The following RNF44 variants were observed in gnomAD, a reference collection of about 807,000 sequenced individuals.
RNF44 encodes the protein ring finger protein 44.
In RNF44, 25 loss-of-function variants were observed where a neutral mutation model predicts 53.6. That is an observed-to-expected ratio of 0.47 (90% CI 0.34 to 0.65). The LOEUF is 0.65. Among genes scored for constraint, RNF44 ranks in the 30% least tolerant of loss-of-function variants. The pLI is 0.01. For synonymous variants in RNF44, 282 were observed against 252.2 expected (o/e 1.12, Z -1.12); for missense variants, 581 against 595.5 (o/e 0.98, Z 0.25).
In RNF44 at chr5:176,531,727, C is replaced by G; in HGVS notation, c.298-97G>C. 1 of 1,295,228 alleles carries G rather than the reference C, an allele frequency of 7.7e-7. No individual in the cohort carries two copies. The highest frequency in any genetic ancestry group is 1.1e-6 in the Non-Finnish European group (1 of 948,914). 80.2% of individuals were successfully genotyped at this position (1,295,228 alleles called of 1,614,324 possible). On this transcript the variant is annotated intron_variant, in intron 3 of 10. Coordinates refer to ENST00000274811, the MANE Select transcript of RNF44 (RefSeq NM_014901.5). This position sits in a 1 kb window ranked among gnomAD's most constrained non-coding sequence, Gnocchi z 4.2. Reference sequence around the variant, plus strand: ...ATCCTGCCACATCCAGCTGCCGGCTCCCTTCCCTTCTCCACGGCGGCCTAC... The same window carrying G: ...ATCCTGCCACATCCAGCTGCCGGCTGCCTTCCCTTCTCCACGGCGGCCTAC...
rs371772892 is a variant in RNF44 at position 176,532,248 on chromosome 5, A to G, written c.108-55T>C. 63 of 1,506,364 alleles carry G rather than the reference A, an allele frequency of 4.2e-5. No individual in the cohort carries two copies. The East Asian group carries it at 1.5e-3, about 35-fold the overall frequency. The allele number at this position is 1,506,364 out of a possible 1,614,324, so 93.3% of individuals were successfully genotyped here. ...ACTGAGGGGGGCCACTCGTGCACAG[A>G]GCAGGGAGAGAAGCCAGGGTGACTC... is the stretch of plus-strand genomic sequence containing the variant. On this transcript the variant is annotated intron_variant, in intron 2 of 10. Coordinates refer to ENST00000274811, the MANE Select transcript of RNF44 (RefSeq NM_014901.5).
In RNF44 at chr5:176,529,535, G is replaced by A. The variant is rs1460833580; in HGVS notation, c.1124C>T (p.Ser375Leu). The change falls in exon 9 of 11, where the codon TCG becomes TTG. Residue 375 changes from serine (S) to leucine (L), a missense_variant. Transcript: ENST00000274811. ...GCAGGGTACTCACAGCGTCTGCTCC[G>A]ACTGATGGCTGTCCGGGTTAAAGCG... Reference protein sequence around the residue: ...SYRFNPDSHQSEQTLCVVCFS... With the variant: ...SYRFNPDSHQLEQTLCVVCFS... The A allele has an allele frequency of 5.6e-6, 9 of 1,614,008 alleles. No homozygotes were observed. Among genetic ancestry groups the A allele is most frequent in the Non-Finnish European group, 6.8e-6 (8 of 1,180,028 alleles).
intron 9 of RNF44, 24 bp from the exon 10 acceptor site, chr5:176,529,411 C>T: frequency 6.2e-7 from 1 of 1,605,298 alleles, no homozygotes; most frequent in Non-Finnish European, 8.5e-7. Flanking sequence ...CGGAGCGTCA[C>T]CTCCACGCTG....
Position 176,528,566 on chromosome 5 carries a change from G to A in RNF44, c.*462C>T. ...ATTCAGCCCTGGGGCTCAGGAAATG[G>A]CTCGTGACACCGTCTGTCTACGCAC... is the stretch of plus-strand genomic sequence containing the variant. On this transcript the variant is annotated 3_prime_UTR_variant, in exon 11 of 11. Transcript: ENST00000274811. The A allele has an allele frequency of 6.0e-6, 1 of 166,210 alleles. No homozygotes were observed. Among genetic ancestry groups the A allele is most frequent in the Non-Finnish European group, 1.3e-5 (1 of 77,118 alleles). The allele number at this position is 166,210 out of a possible 1,614,324, so 10.3% of individuals were successfully genotyped here.
In RNF44 at chr5:176,529,805, T is replaced by C. The variant is rs1756390555; in HGVS notation, c.940A>G (p.Met314Val). 6.2e-7 allele frequency: 1 copy of C among 1,606,070 alleles called. No individual in the cohort carries two copies. The highest frequency in any genetic ancestry group is 1.3e-5 in the African/African-American group (1 of 74,888). ...GTGGGCCCCATTGCTGTTGGTGACA[T>C]TGGCAGCATCGAGCTAGAGAGAGAC... is the stretch of plus-strand genomic sequence containing the variant. The part of the protein sequence containing the change: ...FLPYFLSMLP[M>V]SPTAMGPTIS... Residue 314 changes from methionine to valine, a missense_variant, in exon 8 of 11, where the codon ATG (methionine) becomes GTG (valine). Physicochemically the swap from Met to Val is conservative, Grantham distance 21. Coordinates refer to ENST00000274811, the MANE Select transcript of RNF44 (RefSeq NM_014901.5).
chr5:176,529,156 C>G, intron 10 of RNF44, 66 bp from the exon 11 acceptor site: 10 of 1,593,084 alleles, frequency 6.3e-6, no homozygotes, highest in Non-Finnish European at 8.6e-6. Context: ...GTGCAGCCAC[C>G]TGGGGGGACT....
intron 1 of RNF44, among the ~76,000 whole-genome samples, chr5:176,534,950 C>G (rs1460248688): frequency 6.6e-6 from 1 of 152,242 alleles, no homozygotes; most frequent in Non-Finnish European, 1.5e-5. Context: ...TGAGTAGTGC[C>G]AGGCCCAAGG....
chr5:176,531,736 T>A lies in RNF44; in HGVS notation c.298-106A>T. 1 of 1,241,068 alleles carries A rather than the reference T, an allele frequency of 8.1e-7. No individual in the cohort carries two copies. Among genetic ancestry groups the A allele is most frequent in the Admixed American group, 2.5e-5 (1 of 40,346 alleles). 76.9% of individuals were successfully genotyped at this position (1,241,068 alleles called of 1,614,324 possible). A position where few individuals can be genotyped will look rare whatever the true frequency, so the allele number is the denominator to read the frequency against. ...CATCCAGCTGCCGGCTCCCTTCCCT[T>A]CTCCACGGCGGCCTACCTCAGTGCA... is the stretch of plus-strand genomic sequence containing the variant. On this transcript the variant is annotated intron_variant, in intron 3 of 10. Coordinates refer to ENST00000274811, the MANE Select transcript of RNF44 (RefSeq NM_014901.5). The surrounding 1 kb of genome is among the most constrained non-coding windows in gnomAD (Gnocchi z 4.2).
In RNF44 at chr5:176,532,021, C is replaced by T. The variant is rs1447393093; in HGVS notation, c.280G>A (p.Val94Ile). 1.2e-6 allele frequency: 2 copies of T among 1,611,192 alleles called. No individual in the cohort carries two copies. Among genetic ancestry groups the T allele is most frequent in the East Asian group, 2.2e-5 (1 of 44,840 alleles). Residue 94 changes from valine (V) to isoleucine (I), a missense_variant, in exon 3 of 11, where the codon GTT becomes ATT. By Grantham distance (29) the Val-to-Ile change is conservative. Transcript: ENST00000274811. ...CTGCCTACCTGCTCGTGGAGATCAA[C>T]CATGAACGGGCTCTGCTGGGTGGCT... ...HPATQQSPFM[V>I]DLHEQVHQGP...
rs1757251963 is a variant in RNF44, at chr5:176,536,976, C to T, written c.-81G>A. The stretch of plus-strand genomic sequence containing the variant: ...CGGCCACACGTTGACTCCTTTGTTC[C>T]CGATCTAGGACGGCCAAACTGGGCA... On this transcript the variant is annotated 5_prime_UTR_variant, in exon 1 of 11. Coordinates refer to ENST00000274811, the MANE Select transcript of RNF44 (RefSeq NM_014901.5). The T allele has an allele frequency of 6.8e-6, 1 of 146,202 alleles. No homozygotes were observed. Among genetic ancestry groups the T allele is most frequent in the Admixed American group, 7.2e-5 (1 of 13,970 alleles). The allele number at this position is 146,202 out of a possible 1,614,324, so 9.1% of individuals were successfully genotyped here.
intron 1 of RNF44, among the ~76,000 whole-genome samples, chr5:176,534,338 T>C (rs951692548): frequency 6.6e-6 from 1 of 152,170 alleles, no homozygotes; most frequent in African/African-American, 2.4e-5. Context: ...GAGCGAGAGC[T>C]TTCCCTCCAG....
rs766916588 is a variant in RNF44 at position 176,530,130 on chromosome 5, G to T, written c.878C>A (p.Pro293Gln). ...GTAGTAGGGTGGTGGGGGTGGGGGTGGGGGCGGCGGGGGCAGTGGCTGCTG... is the reference window on the plus strand; with the variant it reads ...GTAGTAGGGTGGTGGGGGTGGGGGTTGGGGCGGCGGGGGCAGTGGCTGCTG... ...RLQQPLPPPP[P>Q]PPPPPPYYPS... is the part of the protein sequence containing the mutation. The change falls in exon 7 of 11, where the codon CCA becomes CAA. Residue 293 changes from proline (P) to glutamine (Q), a missense_variant. Pro to Gln is a moderately conservative substitution (Grantham distance 76). This residue lies in a region of RNF44 where 183 missense variants were observed against 198.6 expected (regional missense o/e 0.92). Coordinates refer to ENST00000274811, the MANE Select transcript of RNF44 (RefSeq NM_014901.5). 222 of 1,016,578 alleles carry T rather than the reference G, an allele frequency of 2.2e-4. No homozygotes were observed. Among genetic ancestry groups the T allele is most frequent in the Admixed American group, 1.7e-4 (4 of 23,430 alleles). 63.0% of individuals were successfully genotyped at this position (1,016,578 alleles called of 1,614,324 possible).
intron 1 of RNF44, among the ~76,000 whole-genome samples, chr5:176,536,492 G>C (rs1440364565): frequency 6.6e-6 from 1 of 152,184 alleles, no homozygotes; most frequent in South Asian, 2.1e-4. Flanking sequence ...CATAGTGCTG[G>C]GGGGCCGAGG....
chr5:176,535,884 C>T (rs1757113615), intron 1 of RNF44: 1 of 152,248 alleles, frequency 6.6e-6, no homozygotes, highest in Admixed American at 6.5e-5. Context: ...AGAGTCCCGT[C>T]GCTGAGCCCC....
In RNF44 at chr5:176,527,425, GTT is replaced by G. The variant is rs1756123093; in HGVS notation, c.*1601_*1602del. 1 of 152,590 alleles carries G rather than the reference GTT, an allele frequency of 6.6e-6. No individual in the cohort carries two copies. The highest frequency in any genetic ancestry group is 6.5e-5 in the Admixed American group (1 of 15,278). 9.5% of individuals were successfully genotyped at this position (152,590 alleles called of 1,614,324 possible). A position where few individuals can be genotyped will look rare whatever the true frequency, so the allele number is the denominator to read the frequency against. ...CAGGAACTGTAAGGGGTTTGAAAAC[GTT>G]TTGTTGGGGTCGGGAAGGGAGGGGT... On this transcript the variant is annotated 3_prime_UTR_variant, in exon 11 of 11. Coordinates refer to ENST00000274811, the MANE Select transcript of RNF44 (RefSeq NM_014901.5).
In RNF44 at chr5:176,529,236, TC is replaced by T. The variant is rs772373158; in HGVS notation, c.1236+51del. The T allele has an allele frequency of 2.4e-4, 371 of 1,568,702 alleles. 3 individuals carry two copies. The Middle Eastern group carries it at 3.8e-3, about 16-fold the overall frequency. On this transcript the variant is annotated intron_variant, in intron 10 of 10. Transcript: ENST00000274811. ...GAGGGAAACAGCCCAGGCCAGCCCA[TC>T]CCCCCGTCACTGCATGAGGAATACC...
At chr5:176,539,891 G>A (rs1190133005), upstream of RNF44, among the ~76,000 whole-genome samples, 1 of 152,118 alleles carries the variant, frequency 6.6e-6, no homozygotes, top group East Asian at 1.9e-4. Flanking sequence ...CACCATGGTG[G>A]TGCTTCGTCT....
Position 176,532,325 on chromosome 5 carries a change from C to T in RNF44, c.107+41G>A, listed in dbSNP as rs747401477. On this transcript the variant is annotated intron_variant, in intron 2 of 10. Coordinates refer to ENST00000274811, the MANE Select transcript of RNF44 (RefSeq NM_014901.5). ...GGGCCCTGCGCCCCACCCCTGCTGG[C>T]CCCCATGCCCCAGCACCAGGACTGG... The T allele has an allele frequency of 3.2e-6, 5 of 1,565,702 alleles. No homozygotes were observed. In the South Asian group the frequency reaches 5.8e-5, roughly 18 times the overall value.
chr5:176,538,030 G>C, upstream of RNF44: 1 of 152,212 alleles, frequency 6.6e-6, no homozygotes. Context: ...ACGTCTGCCG[G>C]GCAAGGAGAT....
Sources: allele counts gnomAD v4.1 joint callset (sites outside exome capture counted in the v4.1 genomes callset), GRCh38; gene constraint gnomAD v4.1.1; regional missense constraint gnomAD v4.1.1; non-coding constraint Gnocchi (gnomAD v3.1); transcripts MANE v1.5; gene names NCBI Gene and HGNC (gene_info 2026-07-23, HGNC 2026-07-21).